Variants in COG6 observed in about 807,000 individuals in gnomAD.
COG6 encodes conserved oligomeric Golgi complex subunit 6.
A neutral mutation model predicts 88.8 loss-of-function variants in COG6; 74 were observed. That is an observed-to-expected ratio of 0.83 (90% CI 0.69 to 1.01). The LOEUF is 1.01. Ranked by LOEUF, COG6 falls within the 50% of genes least tolerant of loss-of-function variation. The pLI is 0.00. For missense variants in COG6, 800 were observed against 797.9 expected (o/e 1.00, Z -0.03); for synonymous variants, 286 against 278.7 (o/e 1.03, Z -0.26).
Position 39,751,899 on chromosome 13 carries a change from G to A in COG6, c.*806G>A. 4 of 1,271,866 alleles carry A rather than the reference G, an allele frequency of 3.1e-6. No individual in the cohort carries two copies. Among genetic ancestry groups the A allele is most frequent in the Non-Finnish European group, 3.1e-6 (3 of 974,806 alleles). 78.8% of individuals were successfully genotyped at this position (1,271,866 alleles called of 1,614,324 possible). Reference sequence around the variant, plus strand: ...GCCTGGTGTTTAAAGATGGGTATTTGTCATACAATATGGGTCCTAAATCCA... The same window carrying A: ...GCCTGGTGTTTAAAGATGGGTATTTATCATACAATATGGGTCCTAAATCCA... On this transcript the variant is annotated 3_prime_UTR_variant, in exon 19 of 19. Transcript: ENST00000455146.
chr13:39,751,501 A>G lies in COG6; in HGVS notation c.*408A>G, dbSNP rs928665335. The G allele has an allele frequency of 1.2e-5, 15 of 1,274,078 alleles. No individual in the cohort carries two copies. The Admixed American group carries it at 3.2e-4, about 27-fold the overall frequency. The allele number at this position is 1,274,078 out of a possible 1,614,324, so 78.9% of individuals were successfully genotyped here. A position where few individuals can be genotyped will look rare whatever the true frequency, so the allele number is the denominator to read the frequency against. On this transcript the variant is annotated 3_prime_UTR_variant, in exon 19 of 19. Coordinates refer to ENST00000455146, the MANE Select transcript of COG6 (RefSeq NM_020751.3). ...TGACCTAATAAATGTCTCCTTACCT[A>G]AAGATTCATTTGCTTTCTTTTAATA...
chr13:39,680,410 T>A (rs114668547), intron 7 of COG6, among the ~76,000 whole-genome samples: 4 of 152,216 alleles, frequency 2.6e-5, no homozygotes, highest in African/African-American at 9.6e-5. Context: ...GTTGTTTACA[T>A]AACTGTAAAG....
intron 18 of COG6, among the ~76,000 whole-genome samples, chr13:39,782,811 C>A (rs1431589149): frequency 6.6e-6 from 1 of 152,208 alleles, no homozygotes; most frequent in Admixed American, 6.5e-5. Context: ...CTGTGGCTCA[C>A]GTGCCCATAA....
At chr13:39,774,900 C>T (rs1186935956) in intron 18 of COG6, among the ~76,000 whole-genome samples, 1 of 152,120 alleles carries the variant, frequency 6.6e-6, no homozygotes, top group Non-Finnish European at 1.5e-5. Flanking sequence ...TTTATATTTT[C>T]ACACCATTGC....
intron 5 of COG6, among the ~76,000 whole-genome samples, chr13:39,678,344 G>A (rs915469035): frequency 2.6e-5 from 4 of 152,288 alleles, no homozygotes; most frequent in Middle Eastern, 6.8e-3. Flanking sequence ...AAAGTGCTGG[G>A]ACTATAGGTC....
At chr13:39,719,213 G>A (rs760752548) in intron 13 of COG6, 23 bp from the exon 14 acceptor site, 2 of 1,609,896 alleles carry the variant, frequency 1.2e-6, no homozygotes, top group South Asian at 2.2e-5. Context: ...TATAAGGAGT[G>A]GGTAAATCAT....
Position 39,665,124 on chromosome 13 carries a change from T to A in COG6, c.398T>A (p.Ile133Lys), listed in dbSNP as rs552900633. The A allele has an allele frequency of 2.0e-6, 3 of 1,519,134 alleles. No homozygotes were observed. The South Asian group carries it at 3.4e-5, about 17-fold the overall frequency. The allele number at this position is 1,519,134 out of a possible 1,614,324, so 94.1% of individuals were successfully genotyped here. A position where few individuals can be genotyped will look rare whatever the true frequency, so the allele number is the denominator to read the frequency against. Residue 133 changes from isoleucine (I) to lysine (K), a missense_variant, in exon 4 of 19, where the codon ATA becomes AAA. Transcript: ENST00000455146. ...GCAAAGGAACAGACTCAAGATTTAA[T>A]AGTAAAAACCACTAAGCTTCAATCT... is the stretch of plus-strand genomic sequence containing the variant. Reference protein sequence around the residue: ...QAAKEQTQDLIVKTTKLQSES... With the variant: ...QAAKEQTQDLKVKTTKLQSES...
intron 2 of COG6, 67 bp downstream of exon 2, chr13:39,659,574 AT>A: frequency 3.7e-6 from 5 of 1,366,292 alleles, no homozygotes; most frequent in South Asian, 2.4e-5. Flanking sequence ...TGTGCTAAGT[AT>A]TTTTTTGAAT....
chr13:39,746,748 A>T (rs1880372347), intron 18 of COG6, among the ~76,000 whole-genome samples: 1 of 152,196 alleles, frequency 6.6e-6, no homozygotes, highest in Admixed American at 6.6e-5. Flanking sequence ...ACTTTTTAAG[A>T]TAAAGGATGA....
At chr13:39,706,612 TA>T (rs150142112) in intron 13 of COG6, among the ~76,000 whole-genome samples, 2 of 151,748 alleles carry the variant, frequency 1.3e-5, no homozygotes, top group African/African-American at 4.8e-5. Flanking sequence ...TCTACACATT[TA>T]AAAAAAGAGA....
intron 13 of COG6, among the ~76,000 whole-genome samples, chr13:39,717,609 G>C (rs1878599076): frequency 6.6e-6 from 1 of 152,112 alleles, no homozygotes; most frequent in Non-Finnish European, 1.5e-5. Flanking sequence ...GTTCACACCT[G>C]TAATGATAGC....
rs3000476 is a variant in COG6 at position 39,762,989 on chromosome 13, A to G, written c.1827-25346A>G. On this transcript the variant is annotated intron_variant, in intron 18 of 18. Coordinates refer to the COG6 transcript ENST00000416691. ...TTTGTATTCTCACATGCTGTTATTA[A>G]TTATGAATGGACGTTGAATTTTAAG... is the stretch of plus-strand genomic sequence containing the variant. Among the ~76,000 whole-genome samples the G allele has an allele frequency of 1.9e-3, 292 of 151,778 alleles. 2 individuals are homozygous for G. The highest frequency in any genetic ancestry group is 6.8e-3 in the African/African-American group (282 of 41,524).
At chr13:39,771,948 G>A (rs1881328802) in intron 18 of COG6, among the ~76,000 whole-genome samples, 1 of 152,164 alleles carries the variant, frequency 6.6e-6, no homozygotes. Flanking sequence ...GAAGGCTGAA[G>A]CCTGGCACAG....
intron 17 of COG6, among the ~76,000 whole-genome samples, chr13:39,725,224 A>G (rs1288299583): frequency 6.6e-6 from 1 of 151,894 alleles, no homozygotes; most frequent in East Asian, 1.9e-4. Flanking sequence ...TACTAGTAAT[A>G]GTAATAATAA....
At chr13:39,695,091 C>T (rs1417151401) in intron 12 of COG6, among the ~76,000 whole-genome samples, 3 of 151,574 alleles carry the variant, frequency 2.0e-5, no homozygotes, top group East Asian at 3.9e-4. Flanking sequence ...ACCTTATACT[C>T]ACAATAGAGC....
intron 18 of COG6, among the ~76,000 whole-genome samples, chr13:39,760,814 A>G (rs1880987238): frequency 6.6e-6 from 1 of 152,050 alleles, no homozygotes; most frequent in Admixed American, 6.6e-5. Context: ...CATACATCAA[A>G]TTCCCATATG....
At chr13:39,676,073 A>G (rs1276604382) in intron 4 of COG6, among the ~76,000 whole-genome samples, 1 of 152,046 alleles carries the variant, frequency 6.6e-6, no homozygotes, top group Non-Finnish European at 1.5e-5. Flanking sequence ...TTGAAATACC[A>G]CTGCATTGTT....
intron 18 of COG6, among the ~76,000 whole-genome samples, chr13:39,730,136 G>T (rs1879354532): frequency 6.6e-6 from 1 of 151,778 alleles, no homozygotes; most frequent in Non-Finnish European, 1.5e-5. Context: ...TTTTTTAAAT[G>T]TGAATTTTTA....
At chr13:39,683,471 T>G (rs1876439610) in intron 8 of COG6, among the ~76,000 whole-genome samples, 1 of 152,198 alleles carries the variant, frequency 6.6e-6, no homozygotes, top group Admixed American at 6.5e-5. Flanking sequence ...GGGAAATTAA[T>G]TGTAAAAGCT....
Sources: allele counts gnomAD v4.1 joint callset (sites outside exome capture counted in the v4.1 genomes callset), GRCh38; gene constraint gnomAD v4.1.1; transcripts MANE v1.5; gene names NCBI Gene and HGNC (gene_info 2026-07-23, HGNC 2026-07-21).